KNL1: variants seen among roughly 807,000 people sequenced by gnomAD.
KNL1 encodes outer kinetochore KNL1 complex subunit KNL1.
KNL1 carries 66 observed loss-of-function variants against 201.3 expected under a neutral mutation model. The observed-to-expected ratio is 0.33, with a 90% CI of 0.27 to 0.40. The LOEUF (loss-of-function observed/expected upper bound fraction) is 0.40, where lower values mean the gene tolerates loss of function less well. Ranked by LOEUF, KNL1 falls within the 10% of genes least tolerant of loss-of-function variation. The probability of loss-of-function intolerance (pLI) is 1.00; values close to 1 mark genes in which losing one functional copy is unlikely to be tolerated. For missense variants in KNL1, 2,815 were observed against 2,690.5 expected, an observed-to-expected ratio of 1.05 and a Z score of -1.02; for synonymous variants, 895 against 899.2, an observed-to-expected ratio of 1.00 and a Z score of 0.08.
intron 13 of KNL1, among the ~76,000 whole-genome samples, chr15:40,635,242 C>T (rs1324913722): frequency 1.3e-5 from 2 of 150,890 alleles, no homozygotes; most frequent in African/African-American, 4.9e-5. Flanking sequence ...TTAGTAGAGA[C>T]AGGGTTTCAC....
At position 40,621,570 on chromosome 15, in the gene KNL1, G is replaced by A; in HGVS notation, c.1306G>A (p.Ala436Thr). Residue 436 changes from alanine to threonine, a missense_variant, in exon 10 of 26, where the codon GCC becomes ACC. Transcript: ENST00000399668. ...KTVFYSSCND[A>T]MEMTKCLSNM... ...TGTTTTCTATTCTAGTTGTAATGAT[G>A]CCATGGAAATGACCAAATGTCTCTC... 3 of 1,610,172 alleles carry A rather than the reference G, an allele frequency of 1.9e-6. No homozygotes were observed. The highest frequency in any genetic ancestry group is 1.7e-6 in the Non-Finnish European group (2 of 1,178,068).
intron 21 of KNL1, 100 bp downstream of exon 21, chr15:40,652,205 T>A: frequency 1.6e-6 from 1 of 641,310 alleles, no homozygotes; most frequent in Non-Finnish European, 2.7e-6. Context: ...ACTATTGGCA[T>A]GATGAGAGCA....
intron 1 of KNL1, among the ~76,000 whole-genome samples, chr15:40,600,193 A>G (rs1364774624): frequency 6.7e-6 from 1 of 150,142 alleles, no homozygotes; most frequent in African/African-American, 2.5e-5. Flanking sequence ...CTCCTGCCTC[A>G]GCCTCCTTAG....
chr15:40,610,266 T>C lies in KNL1; in HGVS notation c.219T>C (p.His73=). ...DTIKVFQTES[H]MKIVRKSEME... is the part of the protein sequence containing the mutation. The stretch of plus-strand genomic sequence containing the variant: ...CTAGGGTATTCCAGACGGAGTCTCA[T>C]ATGAAAATAGTGAGAAAGTCAGAAA... The change falls in exon 6 of 26, where the codon CAT becomes CAC. Residue 73 remains histidine (H), a synonymous_variant. Coordinates refer to ENST00000399668, the MANE Select transcript of KNL1 (RefSeq NM_144508.5). 1 of 1,521,036 alleles carries C rather than the reference T, an allele frequency of 6.6e-7. No individual in the cohort carries two copies. Among genetic ancestry groups the C allele is most frequent in the Non-Finnish European group, 9.1e-7 (1 of 1,096,584 alleles). The allele number at this position is 1,521,036 out of a possible 1,614,324, so 94.2% of individuals were successfully genotyped here. A position where few individuals can be genotyped will look rare whatever the true frequency, so the allele number is the denominator to read the frequency against.
chr15:40,601,567 C>G (rs1439218442), intron 1 of KNL1, among the ~76,000 whole-genome samples: 1 of 152,054 alleles, frequency 6.6e-6, no homozygotes, highest in African/African-American at 2.4e-5. Context: ...CGGGGTGGCT[C>G]ACGCCTGTAA....
intron 13 of KNL1, among the ~76,000 whole-genome samples, chr15:40,630,623 G>A (rs772430688): frequency 2.0e-5 from 3 of 152,028 alleles, no homozygotes; most frequent in South Asian, 2.1e-4. Flanking sequence ...ACAGAAGCAC[G>A]AACCCTATTG....
chr15:40,597,590 T>C (rs936440420), intron 1 of KNL1, among the ~76,000 whole-genome samples: 10 of 152,078 alleles, frequency 6.6e-5, no homozygotes, highest in Non-Finnish European at 1.5e-4. Context: ...AACCAGTAAC[T>C]TAATGTGTCA....
intron 8 of KNL1, among the ~76,000 whole-genome samples, chr15:40,616,446 C>G (rs1403414997): frequency 6.6e-6 from 1 of 152,126 alleles, no homozygotes; most frequent in African/African-American, 2.4e-5. Context: ...TTACTTCTTT[C>G]AAACCTGCTG....
rs1171702116 is a variant in KNL1, at chr15:40,620,655, C to T, written c.391C>T (p.His131Tyr). Reference sequence around the variant, plus strand: ...TTCATTATAGTTTTCAATTATAGAACATACCCGTGAAAGGAAACATGCAAA... The same window carrying T: ...TTCATTATAGTTTTCAATTATAGAATATACCCGTGAAAGGAAACATGCAAA... ...MQQKEFSIIE[H>Y]TRERKHANDQ... Residue 131 changes from histidine to tyrosine, a missense_variant, in exon 10 of 26, where the codon CAT becomes TAT. His to Tyr is a moderately conservative substitution (Grantham distance 83, BLOSUM62 2). Transcript: ENST00000399668. The T allele has an allele frequency of 6.3e-7, 1 of 1,578,752 alleles. No homozygotes were observed. The highest frequency in any genetic ancestry group is 1.2e-5 in the South Asian group (1 of 85,818).
rs755011712 is a variant in KNL1 at position 40,650,282 on chromosome 15, C to T, written c.6095-19C>T. ...ACTATTTTTCACTGAATTATTCTAA[C>T]AAATACTGTCTACTTTAGAAACTAA... On this transcript the variant is annotated intron_variant, in intron 17 of 25. Coordinates refer to ENST00000399668, the MANE Select transcript of KNL1 (RefSeq NM_144508.5). 1 of 1,484,230 alleles carries T rather than the reference C, an allele frequency of 6.7e-7. No homozygotes were observed. The highest frequency in any genetic ancestry group is 1.2e-5 in the South Asian group (1 of 86,240). 91.9% of individuals were successfully genotyped at this position (1,484,230 alleles called of 1,614,324 possible). A position where few individuals can be genotyped will look rare whatever the true frequency, so the allele number is the denominator to read the frequency against.
chr15:40,617,052 G>A (rs1430945510), intron 8 of KNL1, among the ~76,000 whole-genome samples: 1 of 152,102 alleles, frequency 6.6e-6, no homozygotes, highest in Non-Finnish European at 1.5e-5. Flanking sequence ...AGGTTCAAGC[G>A]ATTTTCCTGC....
chr15:40,609,161 AC>A (rs1892074114), intron 5 of KNL1, among the ~76,000 whole-genome samples: 2 of 151,118 alleles, frequency 1.3e-5, no homozygotes, highest in South Asian at 4.2e-4. Flanking sequence ...TAATCCCAGC[AC>A]TTTGGGAGGT....
chr15:40,620,079 C>T (rs1028300500), intron 9 of KNL1, among the ~76,000 whole-genome samples: 5 of 152,214 alleles, frequency 3.3e-5, no homozygotes, highest in Non-Finnish European at 1.5e-5. Flanking sequence ...CAGGCATGCA[C>T]CACTGTGCCT....
In KNL1 at chr15:40,624,640, G is replaced by A. The variant is rs1333875572; in HGVS notation, c.4376G>A (p.Ser1459Asn). The A allele has an allele frequency of 6.2e-7, 1 of 1,613,682 alleles. No homozygotes were observed. The highest frequency in any genetic ancestry group is 1.3e-5 in the African/African-American group (1 of 74,884). The change falls in exon 10 of 26, where the codon AGT (serine) becomes AAT (asparagine). Residue 1459 changes from serine (S) to asparagine (N), a missense_variant. Physicochemically the swap from Ser to Asn is conservative, Grantham distance 46. Coordinates refer to ENST00000399668, the MANE Select transcript of KNL1 (RefSeq NM_144508.5). ...QPPLPKKGQS[S>N]INKEEVILSK... ...CCATTACCTAAAAAAGGACAGAGTA[G>A]TATCAATAAAGAAGAAGTAATACTG...
chr15:40,619,110 A>G (rs1892434909), intron 9 of KNL1, 99 bp downstream of exon 9: 2 of 852,616 alleles, frequency 2.3e-6, no homozygotes, highest in Non-Finnish European at 3.9e-6. Context: ...GGATGACTTA[A>G]AAAAATGAAT....
At chr15:40,645,837 G>C in intron 16 of KNL1, 65 bp downstream of exon 16, 1 of 811,694 alleles carries the variant, frequency 1.2e-6, no homozygotes, top group Non-Finnish European at 1.9e-6. Context: ...AATGGTTATA[G>C]AATATGAAGA....
intron 1 of KNL1, among the ~76,000 whole-genome samples, chr15:40,599,619 G>C (rs116527572): frequency 0.014 from 2,132 of 151,974 alleles, 53 homozygotes; most frequent in African/African-American, 0.049. Context: ...CTGAGCTCAA[G>C]TGATCAGCCT....
At chr15:40,614,049 C>T (rs561577149) in intron 7 of KNL1, among the ~76,000 whole-genome samples, 37 of 151,202 alleles carry the variant, frequency 2.4e-4, no homozygotes, top group African/African-American at 7.3e-4. Context: ...CCACCCGCCT[C>T]GGCCTCCCAA....
chr15:40,645,770 C>A lies in KNL1; in HGVS notation c.6004C>A (p.Gln2002Lys). The A allele has an allele frequency of 6.5e-7, 1 of 1,538,022 alleles. No homozygotes were observed. Among genetic ancestry groups the A allele is most frequent in the Non-Finnish European group, 8.9e-7 (1 of 1,123,728 alleles). The change falls in exon 16 of 26, where the codon CAG becomes AAG. Residue 2002 changes from glutamine to lysine, a missense_variant and splice_region_variant. Transcript: ENST00000399668. ...GTATGGCAAGCTGGTGCAGTCAGCT[C>A]AGGTAATTTGAGACAGTTAATATCA... ...ALYGKLVQSA[Q>K]NEREKLQIKI... is the part of the protein sequence containing the mutation.
Sources: gnomAD v4.1 joint callset for allele counts (sites outside exome capture counted in the v4.1 genomes callset) on GRCh38, gnomAD v4.1.1 for gene constraint, MANE v1.5 for transcripts, NCBI Gene and HGNC (gene_info 2026-07-23, HGNC 2026-07-21) for gene names.